The following BTN2A2 variants were observed in gnomAD, a reference collection of about 807,000 sequenced individuals.
BTN2A2 encodes the protein butyrophilin 2.
A neutral mutation model predicts 34.7 loss-of-function variants in BTN2A2; 29 were observed. The ratio of observed to expected loss-of-function variants is 0.84; its 90% CI spans 0.62 to 1.14. The LOEUF is 1.14. Among genes scored for constraint, BTN2A2 ranks in the 50% most tolerant of loss-of-function variants. The pLI is 0.00. For missense variants in BTN2A2, 612 were observed against 651.5 expected, an observed-to-expected ratio of 0.94 and a Z score of 0.66; for synonymous variants, 240 against 253.1, an observed-to-expected ratio of 0.95 and a Z score of 0.49.
rs1047310256 is a variant in BTN2A2 at position 26,392,309 on chromosome 6, A to G, written c.980-66A>G. ...TCAGCTTTCTGAGACTTCTCTGGGG[A>G]CCAGGAACCACACAATCCCCAGGGT... On this transcript the variant is annotated intron_variant, in intron 7 of 7. Coordinates refer to ENST00000356709, the MANE Select transcript of BTN2A2 (RefSeq NM_006995.5). The G allele has an allele frequency of 3.7e-6, 6 of 1,612,158 alleles. No homozygotes were observed. The Admixed American group carries it at 1.0e-4, about 27-fold the overall frequency.
intron 7 of BTN2A2, 197 bp downstream of exon 7, chr6:26,391,026 C>T (rs1761547407): frequency 1.4e-6 from 1 of 724,462 alleles, no homozygotes; most frequent in East Asian, 2.6e-5. Context: ...TTAATGAACC[C>T]TGCAGTTTAC....
In BTN2A2 at chr6:26,385,105, A is replaced by G; in HGVS notation, c.185A>G (p.Asn62Ser). Reference sequence around the variant, plus strand: ...CGCTGCCATCTGTCACCCGAGAAAAATGCTGAGGACATGGAGGTGCGGTGG... The same window carrying G: ...CGCTGCCATCTGTCACCCGAGAAAAGTGCTGAGGACATGGAGGTGCGGTGG... The part of the protein sequence containing the change: ...TLRCHLSPEK[N>S]AEDMEVRWFR... The change falls in exon 3 of 8, where the codon AAT (asparagine) becomes AGT (serine). Residue 62 changes from asparagine (N) to serine (S), a missense_variant. Transcript: ENST00000356709. The G allele has an allele frequency of 6.2e-7, 1 of 1,614,040 alleles. No individual in the cohort carries two copies. The highest frequency in any genetic ancestry group is 8.5e-7 in the Non-Finnish European group (1 of 1,179,974).
rs771168337 is a variant in BTN2A2, at chr6:26,385,266, A to C, written c.346A>C (p.Ile116Leu). Residue 116 changes from isoleucine to leucine, a missense_variant, in exon 3 of 8, where the codon ATA (isoleucine) becomes CTA (leucine). Transcript: ENST00000356709. ...CAACAGGGGCAGCGTGGCCCTGGTC[A>C]TACATAACGTCACAGCCCAGGAGAA... Reference protein sequence around the residue: ...DINRGSVALVIHNVTAQENGI... With the variant: ...DINRGSVALVLHNVTAQENGI... 1 of 1,614,218 alleles carries C rather than the reference A, an allele frequency of 6.2e-7. No individual in the cohort carries two copies. Among genetic ancestry groups the C allele is most frequent in the Non-Finnish European group, 8.5e-7 (1 of 1,180,044 alleles).
chr6:26,384,105 G>A lies in BTN2A2; in HGVS notation c.94+190G>A, dbSNP rs1761033688. 1.3e-5 allele frequency among the ~76,000 whole-genome samples: 2 copies of A among 152,194 alleles called. No individual in the cohort carries two copies. Among genetic ancestry groups the A allele is most frequent in the African/African-American group, 4.8e-5 (2 of 41,446 alleles). On this transcript the variant is annotated intron_variant, in intron 2 of 7. Coordinates refer to ENST00000356709, the MANE Select transcript of BTN2A2 (RefSeq NM_006995.5). This position sits in a 1 kb window ranked among gnomAD's most constrained non-coding sequence, Gnocchi z 4.0. The stretch of plus-strand genomic sequence containing the variant: ...GCACAAAGGTCAAGTGCATATACAA[G>A]TGCAAATCTTCAAAAAGATTTTTTT...
rs576950736 is a variant in BTN2A2, at chr6:26,384,780, C to T, written c.95-235C>T. On this transcript the variant is annotated intron_variant, in intron 2 of 7. Transcript: ENST00000356709. The surrounding 1 kb of genome is among the most constrained non-coding windows in gnomAD (Gnocchi z 4.0). ...AGGGCGGGCTCCCCAATGTTTCCTTCGTGAAGCAGGAGCAGCCTCAATAGT... is the reference window on the plus strand; with the variant it reads ...AGGGCGGGCTCCCCAATGTTTCCTTTGTGAAGCAGGAGCAGCCTCAATAGT... Among the ~76,000 whole-genome samples, 4 of 152,308 alleles carry T rather than the reference C, an allele frequency of 2.6e-5. No homozygotes were observed. The East Asian group carries it at 7.7e-4, about 29-fold the overall frequency.
Position 26,385,243 on chromosome 6 carries a change from A to AC in BTN2A2, c.324dup (p.Arg109GlnfsTer10). 3 of 1,614,118 alleles carry AC rather than the reference A, an allele frequency of 1.9e-6. No individual in the cohort carries two copies. The highest frequency in any genetic ancestry group is 2.5e-6 in the Non-Finnish European group (3 of 1,180,022). On this transcript the variant is annotated frameshift_variant, in exon 3 of 8. Transcript: ENST00000356709. LOFTEE classifies it high-confidence loss of function. ...ATCACCTTTGTGAGCAAAGACATCA[A>AC]CAGGGGCAGCGTGGCCCTGGTCATA...
rs1487949300 is a variant in BTN2A2, at chr6:26,394,559, C to T, written c.*1592C>T. 1.0e-5 allele frequency: 5 copies of T among 481,904 alleles called. No homozygotes were observed. The highest frequency in any genetic ancestry group is 1.8e-5 in the Non-Finnish European group (5 of 272,210). 29.9% of individuals were successfully genotyped at this position (481,904 alleles called of 1,614,324 possible). On this transcript the variant is annotated 3_prime_UTR_variant, in exon 8 of 8. Coordinates refer to ENST00000356709, the MANE Select transcript of BTN2A2 (RefSeq NM_006995.5). ...GGCCTTTGAACTTCAGGACTTGTAC[C>T]AGGAGGCCCTGGGTTCTCAGGCCTT...
Position 26,392,540 on chromosome 6 carries a change from A to G in BTN2A2, c.1145A>G (p.His382Arg), listed in dbSNP as rs142785600. 1.9e-6 allele frequency: 3 copies of G among 1,614,078 alleles called. No homozygotes were observed. The part of the protein sequence containing the change: ...LGWESFASGK[H>R]YWEVEVENVM... ...TGGGAGAGCTTCGCCTCAGGGAAAC[A>G]TTACTGGGAGGTGGAGGTGGAAAAC... Residue 382 changes from histidine to arginine, a missense_variant, in exon 8 of 8, where the codon CAT becomes CGT. By Grantham distance (29) the His-to-Arg change is conservative (BLOSUM62 0). Transcript: ENST00000356709.
At chr6:26,387,462 G>A (rs1761273977) in intron 3 of BTN2A2, among the ~76,000 whole-genome samples, 1 of 151,968 alleles carries the variant, frequency 6.6e-6, no homozygotes, top group Admixed American at 6.5e-5. Context: ...TGAGCATAGT[G>A]GCCCATGCCT....
chr6:26,385,742 G>A (rs1403281036), intron 3 of BTN2A2, among the ~76,000 whole-genome samples: 3 of 151,940 alleles, frequency 2.0e-5, no homozygotes, highest in Admixed American at 2.0e-4. Flanking sequence ...TAGTAGAGAC[G>A]GGGTTTCACC....
Position 26,388,279 on chromosome 6 carries a change from G to C in BTN2A2, c.709G>C (p.Val237Leu). 1 of 1,614,110 alleles carries C rather than the reference G, an allele frequency of 6.2e-7. No homozygotes were observed. Among genetic ancestry groups the C allele is most frequent in the Non-Finnish European group, 8.5e-7 (1 of 1,179,986 alleles). The change falls in exon 4 of 8, where the codon GTC becomes CTC. Residue 237 changes from valine to leucine, a missense_variant. Coordinates refer to ENST00000356709, the MANE Select transcript of BTN2A2 (RefSeq NM_006995.5). ...CCTGCTCGGCCAGGAGAAGGAAACT[G>C]TCATTTTTATTCCAGGTTAGTTCTC... ...NTLLGQEKET[V>L]IFIPESFMPS...
rs2113739467 is a variant in BTN2A2 at position 26,384,792 on chromosome 6, G to A, written c.95-223G>A. 6.6e-6 allele frequency among the ~76,000 whole-genome samples: 1 copy of A among 152,332 alleles called. No individual in the cohort carries two copies. Among genetic ancestry groups the A allele is most frequent in the Middle Eastern group, 3.4e-3 (1 of 294 alleles). Reference sequence around the variant, plus strand: ...CCAATGTTTCCTTCGTGAAGCAGGAGCAGCCTCAATAGTTACTGCTCCCAG... The same window carrying A: ...CCAATGTTTCCTTCGTGAAGCAGGAACAGCCTCAATAGTTACTGCTCCCAG... On this transcript the variant is annotated intron_variant, in intron 2 of 7. Transcript: ENST00000356709. The surrounding 1 kb of genome is among the most constrained non-coding windows in gnomAD (Gnocchi z 4.0).
chr6:26,390,195 G>A lies in BTN2A2; in HGVS notation c.915G>A (p.Glu305=). 6.2e-7 allele frequency: 1 copy of A among 1,613,750 alleles called. No individual in the cohort carries two copies. The highest frequency in any genetic ancestry group is 1.1e-5 in the South Asian group (1 of 91,052). The change falls in exon 5 of 8, where the codon GAG becomes GAA. Residue 305 remains glutamate, a synonymous_variant. Transcript: ENST00000356709. ...CAGGGGAAAAGAAAGTTGAACAAGA[G>A]GAAAAAGAAATTGCACGTAAGGAAT... ...ILSGEKKVEQ[E]EKEIAQQLQE...
Position 26,383,477 on chromosome 6 carries a change from C to G in BTN2A2, c.-31+296C>G. On this transcript the variant is annotated intron_variant, in intron 1 of 7. Transcript: ENST00000356709. This position sits in a 1 kb window ranked among gnomAD's most constrained non-coding sequence, Gnocchi z 4.4. ...TCGCCTGGCTTTACCTCGAGTGTCC[C>G]GACCTGGGTCTCGGGGAGGGGGAAG... 3.8e-6 allele frequency: 1 copy of G among 261,988 alleles called. No individual in the cohort carries two copies. Among genetic ancestry groups the G allele is most frequent in the South Asian group, 4.7e-5 (1 of 21,306 alleles). 16.2% of individuals were successfully genotyped at this position (261,988 alleles called of 1,614,324 possible).
rs1241125818 is a variant in BTN2A2 at position 26,389,298 on chromosome 6, G to A, written c.725-707G>A. Among the ~76,000 whole-genome samples the A allele has an allele frequency of 2.6e-5, 4 of 152,142 alleles. No homozygotes were observed. In the East Asian group the frequency reaches 7.7e-4, roughly 29 times the overall value. On this transcript the variant is annotated intron_variant, in intron 4 of 7. Transcript: ENST00000356709. ...GTGAGGCATCAGAATTATTAACAAG[G>A]TGGTCAGGGAAGACTTCACTGTAAA...
intron 3 of BTN2A2, among the ~76,000 whole-genome samples, chr6:26,387,588 G>T (rs6908336): frequency 0.01 from 1,500 of 147,664 alleles, 30 homozygotes; most frequent in African/African-American, 0.034. Flanking sequence ...AAAAAAGAAA[G>T]AAAGGAAAAA....
chr6:26,385,441 T>C, intron 3 of BTN2A2, 79 bp downstream of exon 3: 10 of 1,345,488 alleles, frequency 7.4e-6, no homozygotes, highest in South Asian at 1.4e-5. Flanking sequence ...CTCAGGCCCA[T>C]TGCAGACCAA....
chr6:26,392,375 C>A lies in BTN2A2; in HGVS notation c.980C>A (p.Ala327Asp). 1 of 1,614,090 alleles carries A rather than the reference C, an allele frequency of 6.2e-7. No homozygotes were observed. Among genetic ancestry groups the A allele is most frequent in the Non-Finnish European group, 8.5e-7 (1 of 1,179,936 alleles). ...LRWRRTFLHA[A>D]DVVLDPDTAH... ...CATAAACCTGAGACTTCCTCTGCAG[C>A]TGATGTGGTCCTGGATCCAGACACC... The change falls in exon 8 of 8, where the codon GCT becomes GAT. Residue 327 changes from alanine to aspartate, a missense_variant and splice_region_variant. Transcript: ENST00000356709.
rs1163963935 is a variant in BTN2A2, at chr6:26,390,082, A to G, written c.802A>G (p.Met268Val). 4 of 1,614,072 alleles carry G rather than the reference A, an allele frequency of 2.5e-6. No individual in the cohort carries two copies. The highest frequency in any genetic ancestry group is 3.3e-5 in the Admixed American group (2 of 60,002). ...ILTASPWMVS[M>V]TVILAVFIIF... ...GACCGCATCTCCCTGGATGGTGTCC[A>G]TGACTGTCATCCTGGCTGTTTTCAT... The change falls in exon 5 of 8, where the codon ATG (methionine) becomes GTG (valine). Residue 268 changes from methionine (M) to valine (V), a missense_variant. Coordinates refer to ENST00000356709, the MANE Select transcript of BTN2A2 (RefSeq NM_006995.5).
Sources: allele counts gnomAD v4.1 joint callset (sites outside exome capture counted in the v4.1 genomes callset), GRCh38; gene constraint gnomAD v4.1.1; non-coding constraint Gnocchi (gnomAD v3.1); transcripts MANE v1.5; gene names NCBI Gene and HGNC (gene_info 2026-07-23, HGNC 2026-07-21).